Variants in ZDHHC21 observed in about 807,000 individuals in gnomAD.
ZDHHC21 encodes palmitoyltransferase ZDHHC21.
A neutral mutation model predicts 34.6 loss-of-function variants in ZDHHC21; 15 were observed. The observed-to-expected ratio is 0.43, with a 90% CI of 0.29 to 0.67. ZDHHC21 has a LOEUF of 0.67. Ranked by LOEUF, ZDHHC21 falls within the 30% of genes least tolerant of loss-of-function variation. ZDHHC21 has a pLI of 0.14. For synonymous variants in ZDHHC21, 142 were observed against 101.8 expected (o/e 1.40, Z -2.38); for missense variants, 344 against 327.7 (o/e 1.05, Z -0.38).
Position 14,693,252 on chromosome 9 carries a change from C to T in ZDHHC21, c.-248G>A. 1 of 413,088 alleles carries T rather than the reference C, an allele frequency of 2.4e-6. No individual in the cohort carries two copies. Among genetic ancestry groups the T allele is most frequent in the Non-Finnish European group, 4.8e-6 (1 of 209,642 alleles). The allele number at this position is 413,088 out of a possible 1,614,324, so 25.6% of individuals were successfully genotyped here. On this transcript the variant is annotated 5_prime_UTR_variant, in exon 1 of 10. Transcript: ENST00000380916. The stretch of plus-strand genomic sequence containing the variant: ...ACCGTCGCCGCTGGCTCGCCTCTCG[C>T]TGCCGCCGCTCTCCCGACCGCCAGC...
the ZDHHC21 span, among the ~76,000 whole-genome samples, chr9:14,592,332 C>G: frequency 8.6e-5 from 13 of 151,852 alleles, no homozygotes; most frequent in African/African-American, 3.1e-4. Context: ...ATTCCATTTC[C>G]TTCCTTCCTC....
Position 14,616,596 on chromosome 9 carries a change from T to C in ZDHHC21, c.*2370A>G, listed in dbSNP as rs1245112217. On this transcript the variant is annotated 3_prime_UTR_variant, in exon 10 of 10. Coordinates refer to ENST00000380916, the MANE Select transcript of ZDHHC21 (RefSeq NM_178566.6). ...AGGGCGCAGAAACAACACCAGTAGA[T>C]ATGCTTAGCAAACTGCCAGTTGGTT... 2 of 151,738 alleles carry C rather than the reference T, an allele frequency of 1.3e-5. No individual in the cohort carries two copies. 9.4% of individuals were successfully genotyped at this position (151,738 alleles called of 1,614,324 possible). A position where few individuals can be genotyped will look rare whatever the true frequency, so the allele number is the denominator to read the frequency against.
intron 2 of ZDHHC21, among the ~76,000 whole-genome samples, chr9:14,681,092 T>C (rs966009713): frequency 1.3e-5 from 2 of 152,202 alleles, no homozygotes; most frequent in African/African-American, 4.8e-5. Flanking sequence ...TTCATCCTTT[T>C]GACCACAACC....
intron 1 of ZDHHC21, among the ~76,000 whole-genome samples, chr9:14,692,982 A>T (rs534455424): frequency 7.0e-4 from 106 of 152,070 alleles, no homozygotes; most frequent in African/African-American, 2.2e-3. Flanking sequence ...AGCACTTAGC[A>T]AGGGGCTGTA....
chr9:14,645,689 C>G (rs1345978985), intron 7 of ZDHHC21, among the ~76,000 whole-genome samples: 1 of 151,954 alleles, frequency 6.6e-6, no homozygotes, highest in East Asian at 1.9e-4. Context: ...GTTTACAACA[C>G]ATTCCAAAAA....
At chr9:14,675,331 A>G (rs1318170530) in intron 3 of ZDHHC21, among the ~76,000 whole-genome samples, 1 of 151,994 alleles carries the variant, frequency 6.6e-6, no homozygotes, top group Non-Finnish European at 1.5e-5. Flanking sequence ...GTAAAATACA[A>G]TGGTATAATA....
intron 8 of ZDHHC21, among the ~76,000 whole-genome samples, chr9:14,624,099 TA>T (rs1440974871): frequency 6.6e-6 from 1 of 151,838 alleles, no homozygotes; most frequent in Non-Finnish European, 1.5e-5. Flanking sequence ...AAAAACTATT[TA>T]AAAAAATAAA....
At chr9:14,685,761 G>A (rs550508173) in intron 2 of ZDHHC21, among the ~76,000 whole-genome samples, 3 of 152,242 alleles carry the variant, frequency 2.0e-5, no homozygotes, top group Admixed American at 2.0e-4. Context: ...GCACGTATGT[G>A]TATTGCAGCA....
At chr9:14,600,326 A>C in the ZDHHC21 span, among the ~76,000 whole-genome samples, 10 of 152,214 alleles carry the variant, frequency 6.6e-5, no homozygotes, top group Non-Finnish European at 1.2e-4. Context: ...TACAAAATCA[A>C]TGCGCAAAAG....
At chr9:14,636,981 T>C (rs1392711608) in intron 8 of ZDHHC21, among the ~76,000 whole-genome samples, 1 of 151,876 alleles carries the variant, frequency 6.6e-6, no homozygotes, top group Non-Finnish European at 1.5e-5. Context: ...AGTCTAATGA[T>C]GCACCTCAAG....
At chr9:14,677,907 G>C (rs1836714925) in intron 3 of ZDHHC21, among the ~76,000 whole-genome samples, 1 of 152,062 alleles carries the variant, frequency 6.6e-6, no homozygotes, top group South Asian at 2.1e-4. Flanking sequence ...ATAACATCAA[G>C]ATGTAGATTT....
Position 14,614,171 on chromosome 9 carries a change from T to G in ZDHHC21, c.*4795A>C, listed in dbSNP as rs1383602175. On this transcript the variant is annotated 3_prime_UTR_variant, in exon 10 of 10. Transcript: ENST00000380916. ...CTGATTATTCATGCACCATCTAGCCTTCTCTCCATCTTAGTAAGTTTGTGG... is the reference window on the plus strand; with the variant it reads ...CTGATTATTCATGCACCATCTAGCCGTCTCTCCATCTTAGTAAGTTTGTGG... 6.6e-6 allele frequency: 1 copy of G among 151,866 alleles called. No homozygotes were observed. Among genetic ancestry groups the G allele is most frequent in the South Asian group, 2.1e-4 (1 of 4,828 alleles). 9.4% of individuals were successfully genotyped at this position (151,866 alleles called of 1,614,324 possible).
the ZDHHC21 span, among the ~76,000 whole-genome samples, chr9:14,597,845 C>T: frequency 6.6e-6 from 1 of 152,118 alleles, no homozygotes; most frequent in African/African-American, 2.4e-5. Context: ...GACAGACCCA[C>T]CCAGCCTACC....
intron 7 of ZDHHC21, among the ~76,000 whole-genome samples, chr9:14,640,315 A>AC (rs924006469): frequency 4.0e-5 from 6 of 150,528 alleles, no homozygotes; most frequent in African/African-American, 1.5e-4. Context: ...GGGGAAAAAA[A>AC]AAAAAAAAAA....
At chr9:14,600,368 A>G in the ZDHHC21 span, among the ~76,000 whole-genome samples, 2 of 152,218 alleles carry the variant, frequency 1.3e-5, no homozygotes, top group African/African-American at 4.8e-5. Context: ...AATAGCAGAC[A>G]GAGAACCAAA....
chr9:14,652,484 T>C (rs1487489017), intron 7 of ZDHHC21, among the ~76,000 whole-genome samples: 1 of 151,974 alleles, frequency 6.6e-6, no homozygotes, highest in Non-Finnish European at 1.5e-5. Context: ...TCTTTGAACG[T>C]TCGTGATAAA....
chr9:14,653,344 T>A (rs1831594744), intron 7 of ZDHHC21, among the ~76,000 whole-genome samples: 1 of 152,002 alleles, frequency 6.6e-6, no homozygotes, highest in Non-Finnish European at 1.5e-5. Flanking sequence ...TTTTTTTAAA[T>A]GTCAATGGTA....
Position 14,637,413 on chromosome 9 carries a change from C to T in ZDHHC21, c.621+2483G>A, listed in dbSNP as rs551145257. Among the ~76,000 whole-genome samples, 7 of 151,900 alleles carry T rather than the reference C, an allele frequency of 4.6e-5. No homozygotes were observed. The South Asian group carries it at 1.5e-3, about 32-fold the overall frequency. ...TATCAAAGTAGTAATAAAAAGTCTC[C>T]CAACAAAGAAAAGTCCAGGACCCAG... On this transcript the variant is annotated intron_variant, in intron 8 of 9. Coordinates refer to ENST00000380916, the MANE Select transcript of ZDHHC21 (RefSeq NM_178566.6).
chr9:14,590,506 G>T, the ZDHHC21 span, among the ~76,000 whole-genome samples: 1 of 151,420 alleles, frequency 6.6e-6, no homozygotes, highest in Non-Finnish European at 1.5e-5. Flanking sequence ...TTCTAAAATG[G>T]AGAAAAATGA....
Sources: allele counts gnomAD v4.1 joint callset (sites outside exome capture counted in the v4.1 genomes callset), GRCh38; gene constraint gnomAD v4.1.1; transcripts MANE v1.5; gene names NCBI Gene and HGNC (gene_info 2026-07-23, HGNC 2026-07-21).